The following SRPK2 variants were observed in gnomAD, a reference collection of about 807,000 sequenced individuals.
SRPK2 encodes SRSF protein kinase 2.
Under a neutral mutation model 90.8 loss-of-function variants are expected in SRPK2, and 21 were observed. The observed-to-expected ratio is 0.23, with a 90% confidence interval of 0.16 to 0.33. The LOEUF is 0.33. Among genes scored for constraint, SRPK2 ranks in the 10% least tolerant of loss-of-function variants. The pLI, the probability that SRPK2 is intolerant of heterozygous loss-of-function variation, is 1.00. For missense variants in SRPK2, 620 were observed against 869.0 expected (o/e 0.71, Z 3.60); for synonymous variants, 288 against 311.1 (o/e 0.93, Z 0.78).
intron 2 of SRPK2, among the ~76,000 whole-genome samples, chr7:105,345,387 T>C (rs1037462016): frequency 6.6e-6 from 1 of 152,170 alleles, no homozygotes; most frequent in Non-Finnish European, 1.5e-5. Flanking sequence ...CTCCCGTAGA[T>C]TGAAAAACTA....
At chr7:105,392,555 C>T (rs35993922), upstream of SRPK2, among the ~76,000 whole-genome samples, 7 of 152,016 alleles carry the variant, frequency 4.6e-5, no homozygotes, top group Non-Finnish European at 1.0e-4. Flanking sequence ...GCTCTGTTGC[C>T]GAGGCTGGAG....
chr7:105,186,856 T>C (rs974390615), intron 3 of SRPK2, among the ~76,000 whole-genome samples: 2 of 152,178 alleles, frequency 1.3e-5, no homozygotes, highest in Non-Finnish European at 2.9e-5. Context: ...GCCACCATGC[T>C]CTGAGAAAGC....
intron 5 of SRPK2, 89 bp from the exon 6 acceptor site, chr7:105,167,553 T>C: frequency 1.5e-6 from 1 of 670,788 alleles, no homozygotes; most frequent in Non-Finnish European, 2.4e-6. Flanking sequence ...TAAATAAAAG[T>C]ATATTTTAAA....
At chr7:105,361,795 T>C (rs944517878) in intron 2 of SRPK2, among the ~76,000 whole-genome samples, 12 of 152,264 alleles carry the variant, frequency 7.9e-5, no homozygotes, top group African/African-American at 2.6e-4. Flanking sequence ...AAACTGGATC[T>C]CTTCCTTACA....
intron 2 of SRPK2, among the ~76,000 whole-genome samples, chr7:105,303,873 G>T (rs1563215929): frequency 6.6e-6 from 1 of 152,164 alleles, no homozygotes; most frequent in Non-Finnish European, 1.5e-5. Context: ...ACGTTTGGAA[G>T]AAATTTTCAC....
intron 2 of SRPK2, among the ~76,000 whole-genome samples, chr7:105,276,539 A>G (rs1274594428): frequency 1.3e-5 from 2 of 151,366 alleles, no homozygotes; most frequent in Non-Finnish European, 2.9e-5. Flanking sequence ...AGAGTTCAAG[A>G]CCAGCCTGGG....
intron 2 of SRPK2, among the ~76,000 whole-genome samples, chr7:105,383,226 G>A (rs1170252373): frequency 1.3e-5 from 2 of 150,704 alleles, no homozygotes; most frequent in African/African-American, 4.9e-5. Context: ...CACCATGCCC[G>A]GCTAATTTTT....
At chr7:105,190,070 CAGCACCAGCAGG>C (rs1794086000) in intron 3 of SRPK2, among the ~76,000 whole-genome samples, 1 of 152,154 alleles carries the variant, frequency 6.6e-6, no homozygotes. Flanking sequence ...TGGGTAATGG[CAGCACCAGCAGG>C]AGCAGGCCAG....
intron 2 of SRPK2, chr7:105,244,856 G>A (rs1041871390): frequency 2.6e-6 from 3 of 1,167,452 alleles, no homozygotes; most frequent in Non-Finnish European, 3.9e-6. Context: ...AAGACAAACG[G>A]GTCCTCAAGT....
chr7:105,274,066 G>A (rs1806175028), intron 2 of SRPK2, among the ~76,000 whole-genome samples: 1 of 152,176 alleles, frequency 6.6e-6, no homozygotes, highest in Admixed American at 6.5e-5. Flanking sequence ...GAGACCTACA[G>A]TAAAATTTCC....
chr7:105,129,300 C>A (rs1472137567), intron 13 of SRPK2, among the ~76,000 whole-genome samples: 1 of 151,952 alleles, frequency 6.6e-6, no homozygotes, highest in African/African-American at 2.4e-5. Context: ...ATTTTTGATT[C>A]TTTGGAGAGT....
At chr7:105,166,944 G>C (rs931713643) in intron 6 of SRPK2, among the ~76,000 whole-genome samples, 1 of 152,210 alleles carries the variant, frequency 6.6e-6, no homozygotes, top group African/African-American at 2.4e-5. Context: ...GACATTTACA[G>C]AGCATTTTTC....
chr7:105,254,027 T>C (rs537706911), intron 2 of SRPK2, among the ~76,000 whole-genome samples: 6 of 152,336 alleles, frequency 3.9e-5, no homozygotes, highest in South Asian at 4.1e-4. Context: ...TTAGCATAAA[T>C]AGAATACCCA....
intron 3 of SRPK2, among the ~76,000 whole-genome samples, chr7:105,182,253 A>T (rs1792962689): frequency 6.6e-6 from 1 of 150,774 alleles, no homozygotes; most frequent in Non-Finnish European, 1.5e-5. Context: ...AAAAAAAAAA[A>T]TTCAACCGTA....
chr7:105,387,041 T>C lies in SRPK2; in HGVS notation c.71+1607A>G, dbSNP rs953000060. Among the ~76,000 whole-genome samples, 5 of 152,222 alleles carry C rather than the reference T, an allele frequency of 3.3e-5. No individual in the cohort carries two copies. In the East Asian group the frequency reaches 9.6e-4, roughly 29 times the overall value. ...CCATTAGGAAAATCATACTCTAATA[T>C]ATGCAAATACAAGACACATATTGAC... On this transcript the variant is annotated intron_variant, in intron 2 of 15. Coordinates refer to ENST00000393651, the MANE Select transcript of SRPK2 (RefSeq NM_182692.3).
At chr7:105,114,890 C>T (rs993895777), downstream of SRPK2, among the ~76,000 whole-genome samples, 36 of 152,098 alleles carry the variant, frequency 2.4e-4, no homozygotes, top group African/African-American at 8.7e-4. Context: ...ATTTGTCCAA[C>T]AAAATTCTAT....
At chr7:105,384,862 C>G (rs955640612) in intron 2 of SRPK2, among the ~76,000 whole-genome samples, 1 of 151,000 alleles carries the variant, frequency 6.6e-6, no homozygotes, top group Non-Finnish European at 1.5e-5. Flanking sequence ...TCCCCACAAT[C>G]TATTCTCCAC....
intron 7 of SRPK2, among the ~76,000 whole-genome samples, chr7:105,158,817 T>G (rs1350813707): frequency 1.3e-5 from 2 of 151,736 alleles, no homozygotes; most frequent in Admixed American, 6.6e-5. Context: ...TTTGTGTTTT[T>G]TTTTTTTTTT....
At chr7:105,212,890 T>C (rs537480649) in intron 2 of SRPK2, among the ~76,000 whole-genome samples, 1 of 152,178 alleles carries the variant, frequency 6.6e-6, no homozygotes, top group Non-Finnish European at 1.5e-5. Context: ...GTACTGAACA[T>C]GTACAGACTC....
Sources: allele counts gnomAD v4.1 joint callset (sites outside exome capture counted in the v4.1 genomes callset), GRCh38; gene constraint gnomAD v4.1.1; transcripts MANE v1.5; gene names NCBI Gene and HGNC (gene_info 2026-07-23, HGNC 2026-07-21).